DYNC1I1: variants seen among roughly 807,000 people sequenced by gnomAD.
DYNC1I1 encodes the protein cytoplasmic dynein 1 intermediate chain 1.
DYNC1I1 carries 43 observed loss-of-function variants against 86.6 expected under a neutral mutation model. That is an observed-to-expected ratio of 0.50 (90% confidence interval 0.39 to 0.64). The LOEUF (loss-of-function observed/expected upper bound fraction) is 0.64, where lower values mean the gene tolerates loss of function less well. DYNC1I1 is among the 30% of genes least tolerant of loss of function. DYNC1I1 has a pLI of 0.00. For synonymous variants in DYNC1I1, 262 were observed against 283.7 expected (o/e 0.92, Z 0.77); for missense variants, 604 against 788.8 (o/e 0.77, Z 2.81).
intron 1 of DYNC1I1, among the ~76,000 whole-genome samples, chr7:95,785,775 G>GTATGTATATGTATA (rs55666459): frequency 8.0e-6 from 1 of 124,906 alleles, no homozygotes; most frequent in Non-Finnish European, 1.7e-5. Context: ...GTGTGTATGT[G>GTATGTATATGTATA]TATATATATA....
chr7:95,785,240 C>T lies in DYNC1I1; in HGVS notation c.-10+12467C>T, dbSNP rs139721845. On this transcript the variant is annotated intron_variant, in intron 1 of 16. Transcript: ENST00000447467. ...CAGCCTGGACAACATGGTAAAACCC[C>T]GTCTCTACCAAAAAATACAAAAAAT... 1.5e-3 allele frequency among the ~76,000 whole-genome samples: 231 copies of T among 152,140 alleles called. 3 individuals are homozygous for T. Among genetic ancestry groups the T allele is most frequent in the Middle Eastern group, 3.4e-3 (1 of 292 alleles).
chr7:96,058,730 G>C (rs1166001219), intron 14 of DYNC1I1, among the ~76,000 whole-genome samples: 1 of 151,558 alleles, frequency 6.6e-6, no homozygotes, highest in East Asian at 1.9e-4. Flanking sequence ...CACCTCCTGG[G>C]TTCAAGCGAT....
chr7:96,032,656 T>C lies in DYNC1I1; in HGVS notation c.1117-11T>C. 4 of 1,603,804 alleles carry C rather than the reference T, an allele frequency of 2.5e-6. No individual in the cohort carries two copies. The highest frequency in any genetic ancestry group is 3.4e-6 in the Non-Finnish European group (4 of 1,171,702). ...ATCTGTCTCTGATCCTCTTTGTTTATGTTTTTGCAGCATCCCGTGTACTGT... is the reference window on the plus strand; with the variant it reads ...ATCTGTCTCTGATCCTCTTTGTTTACGTTTTTGCAGCATCCCGTGTACTGT... On this transcript the variant is annotated splice_polypyrimidine_tract_variant and intron_variant, in intron 11 of 16. Transcript: ENST00000447467.
At chr7:96,086,784 A>C (rs1790693728) in intron 16 of DYNC1I1, among the ~76,000 whole-genome samples, 1 of 152,218 alleles carries the variant, frequency 6.6e-6, no homozygotes, top group African/African-American at 2.4e-5. Context: ...TGTCCATTTG[A>C]ATATATTTTA....
chr7:95,948,185 A>G (rs1792457503), intron 6 of DYNC1I1, among the ~76,000 whole-genome samples: 1 of 152,170 alleles, frequency 6.6e-6, no homozygotes, highest in Non-Finnish European at 1.5e-5. Context: ...TGGATGTTTC[A>G]AGGCAGTAGT....
At chr7:95,962,774 C>T (rs1792906134) in intron 6 of DYNC1I1, among the ~76,000 whole-genome samples, 1 of 152,142 alleles carries the variant, frequency 6.6e-6, no homozygotes. Context: ...CCATACTTTC[C>T]TGTGCTGTCT....
chr7:95,809,263 T>A (rs543842144), intron 2 of DYNC1I1, among the ~76,000 whole-genome samples: 1 of 152,158 alleles, frequency 6.6e-6, no homozygotes, highest in African/African-American at 2.4e-5. Context: ...AAGTCAAAAG[T>A]TGCATAAACT....
rs778186339 is a variant in DYNC1I1, at chr7:95,810,412, A to G, written c.129A>G (p.Lys43=). 1 of 1,611,134 alleles carries G rather than the reference A, an allele frequency of 6.2e-7. No homozygotes were observed. Among genetic ancestry groups the G allele is most frequent in the South Asian group, 1.1e-5 (1 of 90,704 alleles). Residue 43 remains lysine, a synonymous_variant, in exon 3 of 17, where the codon AAA becomes AAG. Transcript: ENST00000447467. ...TCTAGGCTGATATGCAGCAGAAGAA[A>G]GAACCCGTTCAGGACGACTCTGATC... ...KKKEADMQQK[K]EPVQDDSDLD...
At chr7:95,784,457 G>T (rs773265121) in intron 1 of DYNC1I1, among the ~76,000 whole-genome samples, 30 of 152,116 alleles carry the variant, frequency 2.0e-4, no homozygotes, top group Non-Finnish European at 4.0e-4. Flanking sequence ...CATCTTGGTA[G>T]ATGCTCACCT....
intron 10 of DYNC1I1, among the ~76,000 whole-genome samples, chr7:95,997,132 A>G (rs1020472620): frequency 6.6e-6 from 1 of 152,228 alleles, no homozygotes; most frequent in African/African-American, 2.4e-5. Flanking sequence ...CTCAAAAACA[A>G]CTTAACAAGA....
intron 14 of DYNC1I1, among the ~76,000 whole-genome samples, chr7:96,056,768 A>G (rs1343139518): frequency 6.6e-6 from 1 of 152,088 alleles, no homozygotes; most frequent in Admixed American, 6.6e-5. Flanking sequence ...GTATATATAT[A>G]TGCAGAAAGT....
chr7:95,981,322 G>A (rs11770791), intron 7 of DYNC1I1, among the ~76,000 whole-genome samples: 12,492 of 151,718 alleles, frequency 0.082, 604 homozygotes, highest in Admixed American at 0.11. Context: ...AAGAAAACAC[G>A]GCAAATGAAA....
At chr7:96,052,073 CCATTACCTGG>C (rs1789419419) in intron 14 of DYNC1I1, among the ~76,000 whole-genome samples, 1 of 151,974 alleles carries the variant, frequency 6.6e-6, no homozygotes, top group South Asian at 2.1e-4. Context: ...TGTCTGTATC[CCATTACCTGG>C]CATAGTGCTT....
intron 16 of DYNC1I1, among the ~76,000 whole-genome samples, chr7:96,106,606 A>G (rs546912887): frequency 6.8e-6 from 1 of 146,260 alleles, no homozygotes; most frequent in African/African-American, 2.5e-5. Flanking sequence ...CAGATTTTGC[A>G]ATAGACTTTA....
chr7:96,019,961 A>G (rs1404444888), intron 10 of DYNC1I1, among the ~76,000 whole-genome samples: 6 of 152,076 alleles, frequency 3.9e-5, no homozygotes, highest in Admixed American at 6.6e-5. Flanking sequence ...AAATCTTCCA[A>G]CAGCCCCAGG....
At chr7:96,017,413 A>C (rs972887740) in intron 10 of DYNC1I1, among the ~76,000 whole-genome samples, 8 of 152,220 alleles carry the variant, frequency 5.3e-5, no homozygotes, top group Non-Finnish European at 1.2e-4. Flanking sequence ...GAGACAAGAA[A>C]CTTTAGTGAA....
chr7:95,929,255 A>T (rs1791827676), intron 6 of DYNC1I1, among the ~76,000 whole-genome samples: 1 of 152,152 alleles, frequency 6.6e-6, no homozygotes, highest in Non-Finnish European at 1.5e-5. Context: ...CAGTCCTCAA[A>T]GGCTGGCTGA....
intron 6 of DYNC1I1, among the ~76,000 whole-genome samples, chr7:95,899,338 T>A (rs1267128384): frequency 1.3e-5 from 2 of 152,142 alleles, no homozygotes; most frequent in Non-Finnish European, 2.9e-5. Flanking sequence ...AGAGGGGCTT[T>A]AAAAAACAAC....
At chr7:95,928,854 A>T (rs1165893383) in intron 6 of DYNC1I1, among the ~76,000 whole-genome samples, 1 of 152,186 alleles carries the variant, frequency 6.6e-6, no homozygotes, top group Non-Finnish European at 1.5e-5. Flanking sequence ...CAGACAATGC[A>T]TATAAATTAT....
Sources: gnomAD v4.1 joint callset for allele counts (sites outside exome capture counted in the v4.1 genomes callset) on GRCh38, gnomAD v4.1.1 for gene constraint, MANE v1.5 for transcripts, NCBI Gene and HGNC (gene_info 2026-07-23, HGNC 2026-07-21) for gene names.